IFT56: variants seen among roughly 807,000 people sequenced by gnomAD.
IFT56 encodes the protein intraflagellar transport 56.
chr7:139,187,123 A>AG, the IFT56 span, among the ~76,000 whole-genome samples: 2 of 151,288 alleles, frequency 1.3e-5, no homozygotes, highest in Admixed American at 1.3e-4. Flanking sequence ...AAAAAAAAAA[A>AG]GTGCTGATTG....
the IFT56 span, among the ~76,000 whole-genome samples, chr7:139,154,413 G>T: frequency 7.1e-6 from 1 of 140,462 alleles, no homozygotes. Context: ...AGATTCCATT[G>T]CCAAGTCCAG....
At chr7:139,155,967 G>T in the IFT56 span, among the ~76,000 whole-genome samples, 1 of 152,132 alleles carries the variant, frequency 6.6e-6, no homozygotes, top group African/African-American at 2.4e-5. Flanking sequence ...TGACTCTAAA[G>T]ATCAGTTTGG....
the IFT56 span, chr7:139,173,343 T>C: frequency 2.2e-6 from 1 of 461,162 alleles, no homozygotes; most frequent in South Asian, 2.8e-5. Context: ...TTTTCTTGCC[T>C]CAGCCTCCCG....
At chr7:139,172,747 C>T in the IFT56 span, 24 of 631,640 alleles carry the variant, frequency 3.8e-5, no homozygotes, top group African/African-American at 2.5e-4. Context: ...AGGGTGGAAG[C>T]GGCTGGTCAC....
chr7:139,158,778 G>A, the IFT56 span, among the ~76,000 whole-genome samples: 2 of 152,026 alleles, frequency 1.3e-5, no homozygotes, highest in Admixed American at 6.6e-5. Context: ...CCCTGGTGTG[G>A]TGGCGTGTAG....
chr7:139,150,510 G>A, the IFT56 span, among the ~76,000 whole-genome samples: 1 of 152,024 alleles, frequency 6.6e-6, no homozygotes, highest in Non-Finnish European at 1.5e-5. Context: ...AACCTCAAAA[G>A]GCAAGCTTTT....
chr7:139,165,251 C>T, the IFT56 span: 1 of 1,564,384 alleles, frequency 6.4e-7, no homozygotes, highest in South Asian at 1.1e-5. Context: ...AAAATTTGTC[C>T]TGGTCTTACT....
the IFT56 span, among the ~76,000 whole-genome samples, chr7:139,185,098 G>A: frequency 6.6e-6 from 1 of 151,482 alleles, no homozygotes; most frequent in Non-Finnish European, 1.5e-5. Flanking sequence ...TACCTCAAGA[G>A]GCTGAGGCAG....
the IFT56 span, among the ~76,000 whole-genome samples, chr7:139,144,469 A>G: frequency 6.6e-6 from 1 of 152,074 alleles, no homozygotes; most frequent in African/African-American, 2.4e-5. Flanking sequence ...TCTTTGTATT[A>G]CACTACATCA....
At chr7:139,166,100 GGCA>G in the IFT56 span, among the ~76,000 whole-genome samples, 1 of 152,142 alleles carries the variant, frequency 6.6e-6, no homozygotes, top group African/African-American at 2.4e-5. Flanking sequence ...TGGGATTACA[GGCA>G]TGCGCCACCA....
the IFT56 span, chr7:139,181,025 G>T: frequency 5.2e-6 from 5 of 960,502 alleles, no homozygotes; most frequent in Non-Finnish European, 6.5e-6. Context: ...GAATAATAAG[G>T]TGCAGAAATT....
the IFT56 span, chr7:139,187,294 C>A: frequency 8.0e-7 from 1 of 1,255,186 alleles, no homozygotes; most frequent in Non-Finnish European, 1.1e-6. Context: ...AAAATGTTGT[C>A]AGCACCCATG....
At chr7:139,148,612 C>T in the IFT56 span, among the ~76,000 whole-genome samples, 1 of 152,180 alleles carries the variant, frequency 6.6e-6, no homozygotes, top group African/African-American at 2.4e-5. Flanking sequence ...ACTGAGATGC[C>T]CTACATTTAA....
the IFT56 span, chr7:139,178,574 A>G: frequency 6.2e-7 from 1 of 1,614,218 alleles, no homozygotes; most frequent in Non-Finnish European, 8.5e-7. Flanking sequence ...AAGCTGCAAC[A>G]GGCAATACCA....
the IFT56 span, among the ~76,000 whole-genome samples, chr7:139,174,574 G>A: frequency 6.6e-6 from 1 of 152,092 alleles, no homozygotes; most frequent in Admixed American, 6.5e-5. Flanking sequence ...TCAACAAAGT[G>A]AAATGAGAAC....
the IFT56 span, chr7:139,172,557 A>C: frequency 1.8e-6 from 1 of 541,214 alleles, no homozygotes; most frequent in Admixed American, 2.1e-5. Context: ...TGCACCTCAC[A>C]GGCAGCGACA....
At chr7:139,172,426 A>G in the IFT56 span, 2 of 373,824 alleles carry the variant, frequency 5.4e-6, no homozygotes, top group South Asian at 2.2e-5. Flanking sequence ...TGCTCTGGGT[A>G]AAGACCCACT....
the IFT56 span, among the ~76,000 whole-genome samples, chr7:139,176,213 G>A: frequency 6.6e-6 from 1 of 152,032 alleles, no homozygotes; most frequent in Non-Finnish European, 1.5e-5. Context: ...TAATTGGATT[G>A]TTTGTAACAC....
At chr7:139,169,467 TG>T in the IFT56 span, 2 of 898,174 alleles carry the variant, frequency 2.2e-6, no homozygotes, top group Non-Finnish European at 3.5e-6. Flanking sequence ...CATTATAAAG[TG>T]GGAGGTCAGA....
Sources: allele counts gnomAD v4.1 joint callset (sites outside exome capture counted in the v4.1 genomes callset), GRCh38; gene constraint gnomAD v4.1.1; transcripts MANE v1.5; gene names NCBI Gene and HGNC (gene_info 2026-07-23, HGNC 2026-07-21).